CALCR: variants seen among roughly 807,000 people sequenced by gnomAD.
CALCR encodes the protein calcitonin receptor.
Under a neutral mutation model 59.5 loss-of-function variants are expected in CALCR, and 47 were observed. The ratio of observed to expected loss-of-function variants is 0.79; its 90% CI spans 0.63 to 1.01. The LOEUF is 1.01. Ranked by LOEUF, CALCR falls within the 50% of genes least tolerant of loss-of-function variation. CALCR has a pLI of 0.00. For missense variants in CALCR, 566 were observed against 597.1 expected, an observed-to-expected ratio of 0.95 and a Z score of 0.54; for synonymous variants, 213 against 211.3, an observed-to-expected ratio of 1.01 and a Z score of -0.07.
At chr7:93,440,808 A>G (rs1562974849) in intron 9 of CALCR, among the ~76,000 whole-genome samples, 2 of 152,082 alleles carry the variant, frequency 1.3e-5, no homozygotes, top group African/African-American at 4.8e-5. Context: ...GATACCTAAA[A>G]TTTACTCATC....
chr7:93,537,750 A>C (rs1017904459), intron 2 of CALCR, among the ~76,000 whole-genome samples: 17 of 151,740 alleles, frequency 1.1e-4, no homozygotes, highest in African/African-American at 3.9e-4. Flanking sequence ...ACATACATAT[A>C]TATATAAACA....
At chr7:93,449,823 A>C (rs919341322) in intron 8 of CALCR, among the ~76,000 whole-genome samples, 27 of 151,982 alleles carry the variant, frequency 1.8e-4, no homozygotes, top group African/African-American at 6.0e-4. Context: ...TGCTGGATGA[A>C]TTCCTGTGGG....
At chr7:93,496,532 A>C (rs944502122) in intron 2 of CALCR, among the ~76,000 whole-genome samples, 1 of 151,548 alleles carries the variant, frequency 6.6e-6, no homozygotes, top group Non-Finnish European at 1.5e-5. Flanking sequence ...TTCATGAAGC[A>C]AAAGTGGAAT....
intron 2 of CALCR, among the ~76,000 whole-genome samples, chr7:93,569,058 C>A (rs1789938269): frequency 6.9e-6 from 1 of 144,886 alleles, no homozygotes; most frequent in Non-Finnish European, 1.5e-5. Flanking sequence ...CCTACAAAAT[C>A]TACCTTTAAA....
chr7:93,462,812 C>T (rs915301872), intron 7 of CALCR, among the ~76,000 whole-genome samples: 1 of 151,954 alleles, frequency 6.6e-6, no homozygotes, highest in Non-Finnish European at 1.5e-5. Flanking sequence ...TATACTTCCT[C>T]TACCTCCAGC....
intron 6 of CALCR, among the ~76,000 whole-genome samples, chr7:93,471,514 G>A (rs1407629965): frequency 6.6e-6 from 1 of 151,846 alleles, no homozygotes; most frequent in African/African-American, 2.4e-5. Context: ...CACCCTGAAA[G>A]CATCTCAACA....
intron 2 of CALCR, among the ~76,000 whole-genome samples, chr7:93,554,537 G>C (rs1789542259): frequency 6.6e-6 from 1 of 151,750 alleles, no homozygotes; most frequent in African/African-American, 2.4e-5. Flanking sequence ...ACCCTTTCTG[G>C]TCATGAGAAC....
In CALCR at chr7:93,460,587, A is replaced by ATGTG. The variant is rs1562982505; in HGVS notation, c.648+233_648+234insCACA. 1.0e-4 allele frequency among the ~76,000 whole-genome samples: 12 copies of ATGTG among 114,606 alleles called. 2 individuals carry two copies. Among genetic ancestry groups the ATGTG allele is most frequent in the African/African-American group, 4.9e-4 (12 of 24,458 alleles). 75.2% of individuals were successfully genotyped at this position (114,606 alleles called of 152,430 possible). On this transcript the variant is annotated intron_variant, in intron 8 of 13. Coordinates refer to ENST00000426151, the MANE Select transcript of CALCR (RefSeq NM_001742.4). The stretch of plus-strand genomic sequence containing the variant: ...AAAAAAAAAAAATATATATATATAT[A>ATGTG]TATATGTATATATATATATATATAT...
At chr7:93,471,455 C>T (rs557586618) in intron 6 of CALCR, among the ~76,000 whole-genome samples, 36 of 151,838 alleles carry the variant, frequency 2.4e-4, no homozygotes, top group African/African-American at 8.2e-4. Flanking sequence ...ATGTTCATCT[C>T]GTTTGTTTTT....
Position 93,448,629 on chromosome 7 carries a change from C to T in CALCR, c.649-4872G>A, listed in dbSNP as rs1035627577. Among the ~76,000 whole-genome samples the T allele has an allele frequency of 1.7e-4, 26 of 151,964 alleles. No homozygotes were observed. In the East Asian group the frequency reaches 4.5e-3, roughly 26 times the overall value. ...TTCTAAAAAAAGTAATTTTTGTAGC[C>T]TATTTTAAGACAGTTAAAAATTCTC... On this transcript the variant is annotated intron_variant, in intron 8 of 13. Transcript: ENST00000426151.
At chr7:93,553,843 G>A (rs529288949) in intron 2 of CALCR, among the ~76,000 whole-genome samples, 3 of 152,186 alleles carry the variant, frequency 2.0e-5, no homozygotes, top group South Asian at 4.2e-4. Context: ...CCAAAAGCAA[G>A]CAGGGATAGT....
chr7:93,450,627 G>GA (rs1800089540), intron 8 of CALCR, among the ~76,000 whole-genome samples: 1 of 151,836 alleles, frequency 6.6e-6, no homozygotes, highest in African/African-American at 2.4e-5. Context: ...AAAACCAAGG[G>GA]AACTCTACTC....
intron 2 of CALCR, among the ~76,000 whole-genome samples, chr7:93,496,879 T>C (rs1376145712): frequency 6.6e-6 from 1 of 151,706 alleles, no homozygotes; most frequent in Admixed American, 6.6e-5. Context: ...CAGGATAGGC[T>C]GGTTTGCTGC....
intron 2 of CALCR, among the ~76,000 whole-genome samples, chr7:93,538,179 A>T (rs1052152011): frequency 3.3e-5 from 5 of 151,948 alleles, no homozygotes; most frequent in Non-Finnish European, 5.9e-5. Context: ...CTTTATTGGG[A>T]CCTTTGTGGT....
Position 93,449,928 on chromosome 7 carries a change from C to T in CALCR, c.649-6171G>A, listed in dbSNP as rs561926426. Among the ~76,000 whole-genome samples, 458 of 152,116 alleles carry T rather than the reference C, an allele frequency of 3.0e-3. 2 individuals are homozygous for T. The highest frequency in any genetic ancestry group is 4.6e-3 in the Non-Finnish European group (310 of 67,964). On this transcript the variant is annotated intron_variant, in intron 8 of 13. Coordinates refer to ENST00000426151, the MANE Select transcript of CALCR (RefSeq NM_001742.4). Reference sequence around the variant, plus strand: ...AGGTCTGCTATACCCTGTCATTTATCCCCTGCAGTCTTGGTCAAACAGGTG... The same window carrying T: ...AGGTCTGCTATACCCTGTCATTTATTCCCTGCAGTCTTGGTCAAACAGGTG...
intron 3 of CALCR, among the ~76,000 whole-genome samples, chr7:93,483,225 C>T (rs556125163): frequency 6.6e-6 from 1 of 151,550 alleles, no homozygotes; most frequent in East Asian, 2.0e-4. Context: ...TAAATCATCC[C>T]CAGATTATTT....
At chr7:93,497,385 GT>G (rs1801231008) in intron 2 of CALCR, among the ~76,000 whole-genome samples, 1 of 151,488 alleles carries the variant, frequency 6.6e-6, no homozygotes, top group African/African-American at 2.4e-5. Flanking sequence ...TAGTTACTGT[GT>G]TTTCAGTACC....
At chr7:93,559,102 T>C (rs773686068) in intron 2 of CALCR, among the ~76,000 whole-genome samples, 2 of 152,138 alleles carry the variant, frequency 1.3e-5, no homozygotes, top group Non-Finnish European at 2.9e-5. Context: ...TCAACTTCCA[T>C]GTCATGAGGA....
chr7:93,522,750 A>G (rs12112634), intron 2 of CALCR, among the ~76,000 whole-genome samples: 2,739 of 152,260 alleles, frequency 0.018, 92 homozygotes, highest in African/African-American at 0.063. Flanking sequence ...CTTCAATTCC[A>G]TCATGCTGTC....
Sources: allele counts gnomAD v4.1 joint callset (sites outside exome capture counted in the v4.1 genomes callset), GRCh38; gene constraint gnomAD v4.1.1; transcripts MANE v1.5; gene names NCBI Gene and HGNC (gene_info 2026-07-23, HGNC 2026-07-21).